Variants in DTX2 observed in about 807,000 individuals in gnomAD.
The protein encoded by DTX2 is deltex E3 ubiquitin ligase 2, also known as probable E3 ubiquitin-protein ligase DTX2.
Under a neutral mutation model 55.3 loss-of-function variants are expected in DTX2, and 29 were observed. That is an observed-to-expected ratio of 0.52 (90% CI 0.39 to 0.71). DTX2 has a LOEUF of 0.71. DTX2 is among the 30% of genes least tolerant of loss of function. DTX2 has a pLI of 0.00. For synonymous variants in DTX2, 276 were observed against 340.4 expected (o/e 0.81, Z 2.08); for missense variants, 537 against 822.5 (o/e 0.65, Z 4.25).
At chr7:76,466,919 A>G (rs1379865821) in intron 2 of DTX2, among the ~76,000 whole-genome samples, 1 of 151,270 alleles carries the variant, frequency 6.6e-6, no homozygotes, top group African/African-American at 2.4e-5. Context: ...TTTTTTAGAG[A>G]CAGTGTCTCA....
chr7:76,480,322 C>G, intron 2 of DTX2, 99 bp from the exon 3 acceptor site: 3 of 666,556 alleles, frequency 4.5e-6, no homozygotes, highest in East Asian at 6.1e-5. Context: ...AAAAAAAAAT[C>G]AGCTGTGGAA....
intron 8 of DTX2, chr7:76,503,047 C>G (rs142244705): frequency 5.1e-5 from 14 of 275,874 alleles, no homozygotes; most frequent in African/African-American, 3.1e-4. Flanking sequence ...TGTGGCGCAT[C>G]GGAGCCTGGC....
chr7:76,498,206 T>G (rs1395442380), intron 6 of DTX2, among the ~76,000 whole-genome samples: 1 of 151,806 alleles, frequency 6.6e-6, no homozygotes, highest in Non-Finnish European at 1.5e-5. Flanking sequence ...GCAGGTCCTC[T>G]CGGAGCCTCC....
chr7:76,499,031 G>T (rs1811315719), intron 6 of DTX2, among the ~76,000 whole-genome samples: 1 of 55,888 alleles, frequency 1.8e-5, no homozygotes, highest in Non-Finnish European at 3.3e-5. Flanking sequence ...GTGTGAGGTG[G>T]GGTGTGAGGT....
Position 76,480,722 on chromosome 7 carries a change from G to T in DTX2, c.213G>T (p.Ser71=), listed in dbSNP as rs550961162. ...TCCCCTTGGGCCAGGCAGACCCCTC[G>T]CTGGCCCCTTACATTATTGACCTCC... ...HSIPLGQADP[S]LAPYIIDLPS... is the part of the protein sequence containing the mutation. The change falls in exon 3 of 11, where the codon TCG becomes TCT. Residue 71 remains serine (S), a synonymous_variant. Coordinates refer to ENST00000430490, the MANE Select transcript of DTX2 (RefSeq NM_001102594.3). 6.2e-6 allele frequency: 10 copies of T among 1,613,212 alleles called. No homozygotes were observed. Among genetic ancestry groups the T allele is most frequent in the Non-Finnish European group, 8.5e-6 (10 of 1,179,624 alleles).
chr7:76,471,433 T>G (rs1196497530), intron 2 of DTX2, among the ~76,000 whole-genome samples: 4 of 150,884 alleles, frequency 2.7e-5, no homozygotes, highest in Non-Finnish European at 5.9e-5. Context: ...AGTGCTGGGA[T>G]TACAGGTGTG....
At chr7:76,498,916 A>T (rs1439700496) in intron 6 of DTX2, among the ~76,000 whole-genome samples, 3 of 14,042 alleles carry the variant, frequency 2.1e-4, no homozygotes, top group Non-Finnish European at 3.8e-4. Context: ...GTGTGTGTGG[A>T]GTGTGTGTGG....
rs147150115 is a variant in DTX2, at chr7:76,480,640, A to T, written c.131A>T (p.Gln44Leu). ...GCCACCGTCTGCAGCTTCATCGAGCAGCAGTTTGTCCAGCAGAAGGGCCAA... is the reference window on the plus strand; with the variant it reads ...GCCACCGTCTGCAGCTTCATCGAGCTGCAGTTTGTCCAGCAGAAGGGCCAA... ...YSATVCSFIE[Q>L]QFVQQKGQRF... The change falls in exon 3 of 11, where the codon CAG (glutamine) becomes CTG (leucine). Residue 44 changes from glutamine (Q) to leucine (L), a missense_variant. This residue lies in a region of DTX2 where 301 missense variants were observed against 396.6 expected (regional missense o/e 0.76). Transcript: ENST00000430490. The T allele has an allele frequency of 3.8e-5, 62 of 1,613,550 alleles. No individual in the cohort carries two copies. Among genetic ancestry groups the T allele is most frequent in the Non-Finnish European group, 5.1e-5 (60 of 1,179,912 alleles).
intron 2 of DTX2, among the ~76,000 whole-genome samples, chr7:76,468,434 TC>T (rs1807427291): frequency 8.9e-6 from 1 of 112,466 alleles, no homozygotes; most frequent in African/African-American, 3.3e-5. Context: ...CTCAGCCAAA[TC>T]TGGCCCACTG....
chr7:76,468,328 ATGAGTTCAGAGAAGTATTGCTCAAC>A (rs1807412602), intron 2 of DTX2, among the ~76,000 whole-genome samples: 1 of 150,428 alleles, frequency 6.6e-6, no homozygotes, highest in African/African-American at 2.4e-5. Context: ...TGATAGAGAC[ATGAGTTCAGAGAAGTATTGCTCAAC>A]TGTAGGAGTG....
At chr7:76,469,016 C>T (rs1417542854) in intron 2 of DTX2, among the ~76,000 whole-genome samples, 6 of 115,918 alleles carry the variant, frequency 5.2e-5, no homozygotes, top group African/African-American at 1.7e-4. Context: ...CCACCCACCT[C>T]AGCCTCCCGA....
At chr7:76,464,761 C>A (rs1806982176) in intron 2 of DTX2, among the ~76,000 whole-genome samples, 1 of 150,536 alleles carries the variant, frequency 6.6e-6, no homozygotes, top group Admixed American at 6.6e-5. Context: ...GGATTATTCG[C>A]TTTGTGGCGG....
chr7:76,498,738 G>A (rs1242683559), intron 6 of DTX2, among the ~76,000 whole-genome samples: 18 of 104,058 alleles, frequency 1.7e-4, no homozygotes, highest in African/African-American at 5.9e-4. Flanking sequence ...GGGGGCCATC[G>A]TTCTGGTCTG....
At chr7:76,483,333 C>T (rs939795476) in intron 4 of DTX2, among the ~76,000 whole-genome samples, 186 bp downstream of exon 4, 5 of 152,218 alleles carry the variant, frequency 3.3e-5, no homozygotes, top group Non-Finnish European at 5.9e-5. Flanking sequence ...ACCCCTTGTA[C>T]CTGAGTCCTG....
intron 2 of DTX2, among the ~76,000 whole-genome samples, chr7:76,465,514 A>G (rs1584106866): frequency 1.2e-5 from 1 of 84,420 alleles, no homozygotes; most frequent in Non-Finnish European, 2.1e-5. Flanking sequence ...CCCATCTGAG[A>G]TGTACAAGAG....
chr7:76,480,883 T>C (rs1809115793), intron 3 of DTX2, 106 bp downstream of exon 3: 1 of 1,316,056 alleles, frequency 7.6e-7, no homozygotes, highest in African/African-American at 1.5e-5. Context: ...GAGCTTCTGC[T>C]CTCTCCCTGC....
intron 2 of DTX2, among the ~76,000 whole-genome samples, chr7:76,469,617 T>C (rs1807661690): frequency 6.7e-6 from 1 of 149,900 alleles, no homozygotes. Context: ...ATGGTCTCGC[T>C]CTCCTGACCT....
intron 2 of DTX2, among the ~76,000 whole-genome samples, chr7:76,465,136 A>G (rs1395611516): frequency 0.011 from 1,498 of 139,616 alleles, 9 homozygotes; most frequent in African/African-American, 0.032. Context: ...TGCTGGGCAC[A>G]TCCAGGCATC....
chr7:76,493,815 A>AGGGGGGGTTGGGG (rs1254813681), intron 5 of DTX2, among the ~76,000 whole-genome samples: 1 of 99,014 alleles, frequency 1.0e-5, no homozygotes, highest in Non-Finnish European at 2.2e-5. Flanking sequence ...GGGGGTTGTG[A>AGGGGGGGTTGGGG]GGGGGGATTG....
Sources: allele counts gnomAD v4.1 joint callset (sites outside exome capture counted in the v4.1 genomes callset), GRCh38; gene constraint gnomAD v4.1.1; regional missense constraint gnomAD v4.1.1; transcripts MANE v1.5; gene names NCBI Gene and HGNC (gene_info 2026-07-23, HGNC 2026-07-21).